Variants in ARHGEF11 observed in about 807,000 individuals in gnomAD.
ARHGEF11 encodes the protein Rho guanine exchange factor (GEF) 11.
Under a neutral mutation model 193.7 loss-of-function variants are expected in ARHGEF11, and 55 were observed. The observed-to-expected ratio is 0.28, with a 90% confidence interval of 0.23 to 0.36. The LOEUF is 0.36. ARHGEF11 is among the 10% of genes least tolerant of loss of function. The probability of loss-of-function intolerance (pLI) is 1.00; values close to 1 mark genes in which losing one functional copy is unlikely to be tolerated. For missense variants in ARHGEF11, 1,723 were observed against 2,005.6 expected (o/e 0.86, Z 2.69); for synonymous variants, 693 against 768.0 (o/e 0.90, Z 1.62).
At chr1:157,014,884 C>T (rs1320612194) in intron 1 of ARHGEF11, among the ~76,000 whole-genome samples, 1 of 152,190 alleles carries the variant, frequency 6.6e-6, no homozygotes. Context: ...TGCGTACTCT[C>T]CTTTTAACCA....
chr1:156,943,525 C>T (rs939127119), intron 32 of ARHGEF11, among the ~76,000 whole-genome samples: 10 of 152,242 alleles, frequency 6.6e-5, no homozygotes, highest in Non-Finnish European at 8.8e-5. Context: ...TCCCTGTCCA[C>T]TGGACCCAGC....
chr1:156,960,541 T>C (rs1660678958), intron 14 of ARHGEF11, 81 bp from the exon 15 acceptor site: 15 of 1,386,510 alleles, frequency 1.1e-5, no homozygotes, highest in East Asian at 2.3e-5. Context: ...CGAGGAGGGC[T>C]TGGCCACATG....
At chr1:156,980,847 G>GGA (rs1491068175) in intron 3 of ARHGEF11, among the ~76,000 whole-genome samples, 2 of 40,888 alleles carry the variant, frequency 4.9e-5, no homozygotes, top group Non-Finnish European at 4.9e-5. Context: ...GGGGGGGGGG[G>GGA]AAATGAGTTT....
At chr1:156,969,214 A>T (rs1468951978) in intron 10 of ARHGEF11, 68 bp downstream of exon 10, 1 of 1,325,742 alleles carries the variant, frequency 7.5e-7, no homozygotes, top group Non-Finnish European at 1.1e-6. Context: ...GGTAGGCAGC[A>T]GAACTTGGGT....
At position 156,968,004 on chromosome 1, in the gene ARHGEF11, G is replaced by C; in HGVS notation, c.946C>G (p.Pro316Ala). Residue 316 changes from proline to alanine, a missense_variant, in exon 11 of 41, where the codon CCC becomes GCC. Pro to Ala is a conservative substitution (Grantham distance 27, BLOSUM62 -1). Coordinates refer to ENST00000368194, the MANE Select transcript of ARHGEF11 (RefSeq NM_198236.3). ...TCACTCACCTGGTCACCGGTTGAGG[G>C]GACTGCTGCATCCGAGCCCTGCCGC... ...HRRQGSDAAV[P>A]STGDQGVDQS... is the part of the protein sequence containing the mutation. The C allele has an allele frequency of 6.2e-7, 1 of 1,614,176 alleles. No homozygotes were observed. The highest frequency in any genetic ancestry group is 8.5e-7 in the Non-Finnish European group (1 of 1,180,026).
intron 1 of ARHGEF11, among the ~76,000 whole-genome samples, chr1:157,033,531 T>C (rs1671557716): frequency 6.6e-6 from 1 of 152,184 alleles, no homozygotes; most frequent in Non-Finnish European, 1.5e-5. Context: ...TGATCTTGCT[T>C]TTGTGAAAGC....
intron 7 of ARHGEF11, among the ~76,000 whole-genome samples, chr1:156,972,662 A>C (rs537335445): frequency 1.3e-5 from 2 of 152,292 alleles, no homozygotes; most frequent in South Asian, 4.1e-4. Flanking sequence ...CAAATTCCCC[A>C]TACTTAATAT....
chr1:156,961,777 TAGG>T lies in ARHGEF11; in HGVS notation c.1141-5_1141-3del, dbSNP rs1660892800. ...AACTTCTGCACACAGGTAAAAAAGC[TAGG>T]AGGAGAGAGAACTGGGTTAGAGCAG... On this transcript the variant is annotated splice_polypyrimidine_tract_variant and splice_region_variant and intron_variant, in intron 13 of 40. Coordinates refer to ENST00000368194, the MANE Select transcript of ARHGEF11 (RefSeq NM_198236.3). The T allele has an allele frequency of 1.2e-6, 2 of 1,613,850 alleles. No homozygotes were observed. Among genetic ancestry groups the T allele is most frequent in the Middle Eastern group, 1.6e-4 (1 of 6,084 alleles).
At position 157,044,313 on chromosome 1, in the gene ARHGEF11, G is replaced by C. The variant is rs1445213337; in HGVS notation, c.18C>G (p.Pro6=). The change falls in exon 1 of 41, where the codon CCC becomes CCG. Residue 6 remains proline, a synonymous_variant. Transcript: ENST00000368194. ...AGCAAACCTACCTGTCTATACTCTGGGGTAACCTTACACTCATGGTTTCTC... is the reference window on the plus strand; with the variant it reads ...AGCAAACCTACCTGTCTATACTCTGCGGTAACCTTACACTCATGGTTTCTC... MSVRL[P]QSIDRLSSLS... 2 of 1,612,902 alleles carry C rather than the reference G, an allele frequency of 1.2e-6. No homozygotes were observed. Among genetic ancestry groups the C allele is most frequent in the African/African-American group, 2.7e-5 (2 of 74,514 alleles).
chr1:156,978,115 C>G, intron 6 of ARHGEF11, 89 bp downstream of exon 6: 1 of 1,550,486 alleles, frequency 6.4e-7, no homozygotes, highest in Non-Finnish European at 8.7e-7. Flanking sequence ...TTTACCACAG[C>G]CCCACTGGAT....
At chr1:157,006,302 C>A (rs1667811146) in intron 1 of ARHGEF11, among the ~76,000 whole-genome samples, 2 of 152,072 alleles carry the variant, frequency 1.3e-5, no homozygotes, top group African/African-American at 2.4e-5. Flanking sequence ...GACTAGATAG[C>A]CAAAGAGAAA....
rs1197002568 is a variant in ARHGEF11 at position 156,938,337 on chromosome 1, T to C, written c.4192+81A>G. The C allele has an allele frequency of 4.5e-6, 6 of 1,323,586 alleles. No homozygotes were observed. In the African/African-American group the frequency reaches 5.8e-5, roughly 13 times the overall value. 82.0% of individuals were successfully genotyped at this position (1,323,586 alleles called of 1,614,324 possible). ...GAGCTTGTGGGTGTGTGTGTGACCA[T>C]GGGCAGGGGTCCGACTCTGCCCTCA... is the stretch of plus-strand genomic sequence containing the variant. On this transcript the variant is annotated intron_variant, in intron 38 of 40. Transcript: ENST00000368194.
At chr1:156,953,188 A>G (rs1659377122) in intron 21 of ARHGEF11, among the ~76,000 whole-genome samples, 1 of 152,264 alleles carries the variant, frequency 6.6e-6, no homozygotes, top group South Asian at 2.1e-4. Context: ...TCATGCTTAC[A>G]ATCTCAGCAT....
chr1:157,007,524 T>G (rs912807975), intron 1 of ARHGEF11, among the ~76,000 whole-genome samples: 4 of 152,102 alleles, frequency 2.6e-5, no homozygotes, highest in South Asian at 2.1e-4. Flanking sequence ...CATTAATTAG[T>G]GTAGAGTGTC....
At chr1:156,955,580 G>C in intron 20 of ARHGEF11, 123 bp downstream of exon 20, 1 of 755,444 alleles carries the variant, frequency 1.3e-6, no homozygotes, top group African/African-American at 1.7e-5. Context: ...AGTGGCTGTG[G>C]TCTGAGTTTG....
At chr1:156,964,865 C>T (rs1346659032) in intron 11 of ARHGEF11, among the ~76,000 whole-genome samples, 1 of 152,192 alleles carries the variant, frequency 6.6e-6, no homozygotes, top group Non-Finnish European at 1.5e-5. Context: ...CTCTACTGAG[C>T]TCTCTGGTGA....
intron 15 of ARHGEF11, among the ~76,000 whole-genome samples, chr1:156,959,548 TC>T (rs1410322345): frequency 2.0e-5 from 3 of 152,076 alleles, no homozygotes; most frequent in Non-Finnish European, 4.4e-5. Flanking sequence ...AAACCTGAGC[TC>T]CCCAGTAGAA....
intron 1 of ARHGEF11, among the ~76,000 whole-genome samples, chr1:157,016,490 G>A (rs1023130115): frequency 6.6e-6 from 1 of 152,180 alleles, no homozygotes; most frequent in Non-Finnish European, 1.5e-5. Flanking sequence ...GAAGTGCTGG[G>A]ATTACAGGCG....
At chr1:157,009,133 T>C (rs970607247) in intron 1 of ARHGEF11, among the ~76,000 whole-genome samples, 5 of 152,228 alleles carry the variant, frequency 3.3e-5, no homozygotes, top group Admixed American at 1.3e-4. Context: ...TATGAATGTC[T>C]CTGCACATTT....
Sources: allele counts gnomAD v4.1 joint callset (sites outside exome capture counted in the v4.1 genomes callset), GRCh38; gene constraint gnomAD v4.1.1; transcripts MANE v1.5; gene names NCBI Gene and HGNC (gene_info 2026-07-23, HGNC 2026-07-21).